Variants in MPRIP observed in about 807,000 individuals in gnomAD.
MPRIP encodes myosin phosphatase Rho-interacting protein.
In MPRIP, 59 loss-of-function variants were observed where a neutral mutation model predicts 234.9. That is an observed-to-expected ratio of 0.25 (90% CI 0.20 to 0.31). The LOEUF (loss-of-function observed/expected upper bound fraction) is 0.31. Ranked by LOEUF, MPRIP falls within the 10% of genes least tolerant of loss-of-function variation. The pLI is 1.00. For missense variants in MPRIP, 2,436 were observed against 3,071.0 expected, an observed-to-expected ratio of 0.79 and a Z score of 4.89; for synonymous variants, 1,144 against 1,263.9, an observed-to-expected ratio of 0.91 and a Z score of 2.01.
chr17:17,045,385 T>G (rs764224789), intron 1 of MPRIP, among the ~76,000 whole-genome samples: 1 of 152,216 alleles, frequency 6.6e-6, no homozygotes, highest in Admixed American at 6.5e-5. Context: ...TTGCAGGGAC[T>G]GTATTATGGC....
chr17:17,105,405 G>A (rs1029113137), intron 3 of MPRIP, among the ~76,000 whole-genome samples: 3 of 152,314 alleles, frequency 2.0e-5, no homozygotes, highest in African/African-American at 4.8e-5. Flanking sequence ...CTAGGGAGGC[G>A]GAGTCGGTCT....
intron 3 of MPRIP, among the ~76,000 whole-genome samples, chr17:17,103,245 G>A (rs1413817226): frequency 1.3e-5 from 2 of 152,176 alleles, no homozygotes; most frequent in African/African-American, 4.8e-5. Flanking sequence ...GTGAAAGTAT[G>A]GAAAAAAGCA....
At chr17:17,087,804 T>G (rs1250544583) in intron 3 of MPRIP, among the ~76,000 whole-genome samples, 12 of 152,178 alleles carry the variant, frequency 7.9e-5, no homozygotes, top group Non-Finnish European at 1.6e-4. Context: ...TGTAAAGATT[T>G]CAGGTAGGCC....
At chr17:17,142,890 C>T (rs2045361415) in intron 8 of MPRIP, 125 bp downstream of exon 8, 1 of 1,081,702 alleles carries the variant, frequency 9.2e-7, no homozygotes, top group Non-Finnish European at 1.3e-6. Context: ...CTCCAACCAC[C>T]TCCTCTGCAT....
intron 1 of MPRIP, among the ~76,000 whole-genome samples, chr17:17,059,768 C>G (rs980908756): frequency 6.6e-6 from 1 of 152,194 alleles, no homozygotes; most frequent in Non-Finnish European, 1.5e-5. Context: ...CCTGACCTGC[C>G]TCCATAGAGA....
chr17:17,139,447 A>G (rs1345167746), intron 7 of MPRIP, among the ~76,000 whole-genome samples: 1 of 152,188 alleles, frequency 6.6e-6, no homozygotes, highest in Non-Finnish European at 1.5e-5. Context: ...AAGAAGACCC[A>G]TAGTTTTCAT....
chr17:17,068,571 C>T (rs894256933), intron 1 of MPRIP, among the ~76,000 whole-genome samples: 9 of 151,500 alleles, frequency 5.9e-5, no homozygotes, highest in African/African-American at 1.9e-4. Flanking sequence ...CACTCTGTTG[C>T]CCATGCTGGA....
intron 21 of MPRIP, 48 bp from the exon 22 acceptor site, chr17:17,177,202 T>A: frequency 6.4e-7 from 1 of 1,573,842 alleles, no homozygotes; most frequent in African/African-American, 1.3e-5. Flanking sequence ...TTGTATGTGC[T>A]CCTCTTTCCT....
chr17:17,152,770 T>C (rs1471064384), intron 12 of MPRIP, among the ~76,000 whole-genome samples: 1 of 152,014 alleles, frequency 6.6e-6, no homozygotes, highest in African/African-American at 2.4e-5. Context: ...GACATGCAGG[T>C]CCATTAGAAA....
chr17:17,103,366 G>A (rs2090001082), intron 3 of MPRIP, among the ~76,000 whole-genome samples: 1 of 152,228 alleles, frequency 6.6e-6, no homozygotes, highest in Non-Finnish European at 1.5e-5. Context: ...CCCCAGGGCC[G>A]GCAGCCGTGA....
chr17:17,166,690 C>T lies in MPRIP; in HGVS notation c.5099C>T (p.Ala1700Val), dbSNP rs1457250873. 2 of 1,303,976 alleles carry T rather than the reference C, an allele frequency of 1.5e-6. No homozygotes were observed. Among genetic ancestry groups the T allele is most frequent in the East Asian group, 1.1e-4 (2 of 18,024 alleles). 80.8% of individuals were successfully genotyped at this position (1,303,976 alleles called of 1,614,324 possible). A position where few individuals can be genotyped will look rare whatever the true frequency, so the allele number is the denominator to read the frequency against. Reference sequence around the variant, plus strand: ...GAGACCCTGCGGGGCACCCAGACGGCCCTGCGGCAGCACAAATGCCTGCTG... The same window carrying T: ...GAGACCCTGCGGGGCACCCAGACGGTCCTGCGGCAGCACAAATGCCTGCTG... ...IQETLRGTQT[A>V]LRQHKCLLRE... is the part of the protein sequence containing the mutation. Residue 1700 changes from alanine (A) to valine (V), a missense_variant, in exon 16 of 24, where the codon GCC becomes GTC. Around this residue, in one of 4 missense-constraint regions of MPRIP, gnomAD observed 1,998 missense variants for 2,520.3 expected, o/e 0.79. Coordinates refer to ENST00000651222, the MANE Select transcript of MPRIP (RefSeq NM_001364716.4). This position sits in a 1 kb window ranked among gnomAD's most constrained non-coding sequence, Gnocchi z 4.4.
chr17:17,179,718 A>G, intron 22 of MPRIP: 1 of 306,450 alleles, frequency 3.3e-6, no homozygotes, highest in Non-Finnish European at 6.0e-6. Context: ...TGAGGGGACC[A>G]AGTCCCTTTG....
At chr17:17,122,183 C>T (rs1164985127) in intron 3 of MPRIP, among the ~76,000 whole-genome samples, 4 of 152,110 alleles carry the variant, frequency 2.6e-5, no homozygotes, top group Non-Finnish European at 5.9e-5. Context: ...AATGAGATTG[C>T]TGCATCAAAT....
chr17:17,153,181 G>A (rs1597469079), intron 12 of MPRIP, among the ~76,000 whole-genome samples: 1 of 152,184 alleles, frequency 6.6e-6, no homozygotes. Context: ...TCTTGATCGG[G>A]CATGTGGAGG....
At chr17:17,171,426 C>T (rs1180105697) in intron 16 of MPRIP, 5 of 321,586 alleles carry the variant, frequency 1.6e-5, no homozygotes, top group Non-Finnish European at 2.8e-5. Context: ...AGCAGCCTGT[C>T]CCCACCTACC....
intron 3 of MPRIP, among the ~76,000 whole-genome samples, chr17:17,083,138 C>G (rs1423032583): frequency 6.6e-6 from 1 of 152,240 alleles, no homozygotes; most frequent in African/African-American, 2.4e-5. Context: ...AGCTGCCTGA[C>G]TGTGTAGGGG....
Position 17,149,267 on chromosome 17 carries a change from C to T in MPRIP, c.1630-877C>T, listed in dbSNP as rs1001585419. Among the ~76,000 whole-genome samples, 4 of 152,086 alleles carry T rather than the reference C, an allele frequency of 2.6e-5. No individual in the cohort carries two copies. The South Asian group carries it at 6.2e-4, about 24-fold the overall frequency. ...CCAGCACTTTGGAGGCCAAGGCAGG[C>T]GGATCACCTGAGGTCAGGAGTTTGA... On this transcript the variant is annotated intron_variant, in intron 11 of 23. Transcript: ENST00000651222.
In MPRIP at chr17:17,171,804, A is replaced by G; in HGVS notation, c.6411A>G (p.Leu2137=). The G allele has an allele frequency of 6.2e-7, 1 of 1,613,704 alleles. No homozygotes were observed. Among genetic ancestry groups the G allele is most frequent in the Non-Finnish European group, 8.5e-7 (1 of 1,180,026 alleles). The change falls in exon 17 of 24, where the codon CTA becomes CTG. Residue 2137 remains leucine, a synonymous_variant. Transcript: ENST00000651222. ...EDLQRQHQRE[L]EKLREEKDRL... is the part of the protein sequence containing the mutation. ...TCCAGAGGCAGCACCAGCGGGAGCT[A>G]GAGAAACTTCGAGAAGAGAAAGACC...
At chr17:17,168,720 C>A (rs993799958) in intron 16 of MPRIP, 6 of 387,062 alleles carry the variant, frequency 1.6e-5, no homozygotes, top group Non-Finnish European at 3.1e-5. Flanking sequence ...TACCATGATA[C>A]CTGTGCCCTT....
Sources: gnomAD v4.1 joint callset for allele counts (sites outside exome capture counted in the v4.1 genomes callset) on GRCh38, gnomAD v4.1.1 for gene constraint, gnomAD v4.1.1 regional missense constraint, Gnocchi (gnomAD v3.1) non-coding constraint, MANE v1.5 for transcripts, NCBI Gene and HGNC (gene_info 2026-07-23, HGNC 2026-07-21) for gene names.